Variants in MSRA observed in about 807,000 individuals in gnomAD.
MSRA encodes the protein mitochondrial peptide methionine sulfoxide reductase.
MSRA carries 54 observed loss-of-function variants against 31.3 expected under a neutral mutation model. The observed-to-expected ratio is 1.73, with a 90% confidence interval of 1.39 to 2.17. The LOEUF (loss-of-function observed/expected upper bound fraction) is 2.17, where lower values mean the gene tolerates loss of function less well. Ranked by LOEUF, MSRA falls within the 30% of genes most tolerant of loss-of-function variation. MSRA has a pLI of 0.00. For synonymous variants in MSRA, 169 were observed against 116.5 expected, an observed-to-expected ratio of 1.45 and a Z score of -2.90; for missense variants, 507 against 300.9, an observed-to-expected ratio of 1.69 and a Z score of -5.07.
chr8:10,223,881 A>C (rs1810746422), intron 2 of MSRA, among the ~76,000 whole-genome samples: 1 of 151,972 alleles, frequency 6.6e-6, no homozygotes, highest in Admixed American at 6.6e-5. Flanking sequence ...TCATTTCCCC[A>C]CTCCGAATTC....
rs535841328 is a variant in MSRA, at chr8:10,175,578, T to C, written c.143-32255T>C. On this transcript the variant is annotated intron_variant, in intron 1 of 5. Coordinates refer to ENST00000317173, the MANE Select transcript of MSRA (RefSeq NM_012331.5). ...TTGGGTATGGTTAAAATGACTATCT[T>C]GAATATCTCATTAAGAGGATAATGT... is the stretch of plus-strand genomic sequence containing the variant. Among the ~76,000 whole-genome samples, 7 of 152,350 alleles carry C rather than the reference T, an allele frequency of 4.6e-5. No homozygotes were observed. In the South Asian group the frequency reaches 1.2e-3, roughly 27 times the overall value.
At chr8:10,374,133 G>A (rs1311137119) in intron 5 of MSRA, among the ~76,000 whole-genome samples, 1 of 152,232 alleles carries the variant, frequency 6.6e-6, no homozygotes. Context: ...GTAGTGAGCT[G>A]ATGGGCTTTT....
chr8:10,068,024 C>A (rs555211744), intron 1 of MSRA, among the ~76,000 whole-genome samples: 1 of 151,990 alleles, frequency 6.6e-6, no homozygotes, highest in African/African-American at 2.4e-5. Flanking sequence ...GCTGGGACTA[C>A]AGGCATGTGC....
intron 2 of MSRA, among the ~76,000 whole-genome samples, chr8:10,240,194 G>C (rs375455723): frequency 6.6e-6 from 1 of 152,172 alleles, no homozygotes; most frequent in Non-Finnish European, 1.5e-5. Flanking sequence ...GAAGGGGCCC[G>C]GTGTAATCCT....
At chr8:10,202,926 C>G (rs1019538818) in intron 1 of MSRA, among the ~76,000 whole-genome samples, 2 of 152,208 alleles carry the variant, frequency 1.3e-5, no homozygotes, top group South Asian at 2.1e-4. Flanking sequence ...AGTGGGAGAG[C>G]TGAGAGTCAC....
intron 1 of MSRA, among the ~76,000 whole-genome samples, chr8:10,154,358 T>A (rs1017073357): frequency 2.6e-5 from 4 of 151,270 alleles, no homozygotes; most frequent in Non-Finnish European, 4.4e-5. Context: ...AAGGACACAT[T>A]TGTGGTTTTT....
At chr8:10,104,993 A>G (rs1695362367) in intron 1 of MSRA, among the ~76,000 whole-genome samples, 6 of 152,204 alleles carry the variant, frequency 3.9e-5, no homozygotes, top group Admixed American at 3.9e-4. Flanking sequence ...TGGGCAAGGA[A>G]TATTTTGCTG....
intron 1 of MSRA, among the ~76,000 whole-genome samples, chr8:10,156,472 A>G (rs1269453695): frequency 6.6e-6 from 1 of 152,112 alleles, no homozygotes; most frequent in South Asian, 2.1e-4. Context: ...GGGATTTGAG[A>G]AGATATTAAT....
chr8:10,418,840 CA>C (rs1808638547), intron 5 of MSRA, among the ~76,000 whole-genome samples: 1 of 34,120 alleles, frequency 2.9e-5, no homozygotes, highest in East Asian at 9.9e-4. Context: ...AAAAAAAAAC[CA>C]ACAAAAAAAA....
At chr8:10,306,364 C>G (rs1033920275) in intron 4 of MSRA, among the ~76,000 whole-genome samples, 4 of 152,060 alleles carry the variant, frequency 2.6e-5, no homozygotes, top group Non-Finnish European at 5.9e-5. Context: ...ATTGTTGTTA[C>G]GTCTTTTTCA....
At chr8:10,234,325 A>C (rs969725173) in intron 2 of MSRA, among the ~76,000 whole-genome samples, 2 of 152,180 alleles carry the variant, frequency 1.3e-5, no homozygotes, top group East Asian at 1.9e-4. Flanking sequence ...TGCGGTAATG[A>C]GATAGAGATT....
chr8:10,138,832 G>C (rs1299457939), intron 1 of MSRA, among the ~76,000 whole-genome samples: 3 of 152,178 alleles, frequency 2.0e-5, no homozygotes, highest in African/African-American at 4.8e-5. Context: ...AATTCCGTGA[G>C]AGTGATTTGG....
intron 1 of MSRA, among the ~76,000 whole-genome samples, chr8:10,115,650 T>C (rs1248822095): frequency 1.3e-5 from 2 of 152,176 alleles, no homozygotes; most frequent in Admixed American, 1.3e-4. Flanking sequence ...ATTGATGCCA[T>C]GAGCTGTGTT....
chr8:10,198,923 G>A (rs2129056409), intron 1 of MSRA, among the ~76,000 whole-genome samples: 1 of 152,318 alleles, frequency 6.6e-6, no homozygotes, highest in South Asian at 2.1e-4. Context: ...AGCAGTGTAG[G>A]AGAAAGCTTG....
chr8:10,218,808 G>A (rs1049195525), intron 2 of MSRA, among the ~76,000 whole-genome samples: 4 of 152,214 alleles, frequency 2.6e-5, no homozygotes, highest in Admixed American at 6.5e-5. Context: ...TCACTTGGGC[G>A]TTTAACCAGA....
chr8:10,366,735 C>T (rs1043552376), intron 5 of MSRA, among the ~76,000 whole-genome samples: 9 of 152,220 alleles, frequency 5.9e-5, no homozygotes, highest in Non-Finnish European at 1.0e-4. Context: ...TCGTGGTCGG[C>T]GGCTGTCTTA....
Position 10,054,555 on chromosome 8 carries a change from C to G in MSRA, c.39C>G (p.Leu13=), listed in dbSNP as rs1265518706. ...SATRRACQLL[L]LHSLFPVPRM... is the part of the protein sequence containing the mutation. ...CCCGGAGGGCTTGCCAGCTCCTCCTCCTCCACAGCCTCTTTCCCGTCCCGA... is the reference window on the plus strand; with the variant it reads ...CCCGGAGGGCTTGCCAGCTCCTCCTGCTCCACAGCCTCTTTCCCGTCCCGA... Residue 13 remains leucine (L), a synonymous_variant, in exon 1 of 6, where the codon CTC becomes CTG. Transcript: ENST00000317173. 1 of 1,586,976 alleles carries G rather than the reference C, an allele frequency of 6.3e-7. No homozygotes were observed. The highest frequency in any genetic ancestry group is 8.6e-7 in the Non-Finnish European group (1 of 1,167,030).
rs534691449 is a variant in MSRA, at chr8:10,231,790, C to G, written c.212-13314C>G. Among the ~76,000 whole-genome samples, 41 of 152,270 alleles carry G rather than the reference C, an allele frequency of 2.7e-4. No homozygotes were observed. In the South Asian group the frequency reaches 7.7e-3, roughly 28 times the overall value. Reference sequence around the variant, plus strand: ...TGGTGGCGGGCGCCTATAGTCCCAACTACTTGGGAGGCTGAGGCAGGAGAA... The same window carrying G: ...TGGTGGCGGGCGCCTATAGTCCCAAGTACTTGGGAGGCTGAGGCAGGAGAA... On this transcript the variant is annotated intron_variant, in intron 2 of 5. Transcript: ENST00000317173.
At chr8:10,278,525 C>T (rs1799445204) in intron 3 of MSRA, among the ~76,000 whole-genome samples, 1 of 152,222 alleles carries the variant, frequency 6.6e-6, no homozygotes, top group Admixed American at 6.5e-5. Flanking sequence ...AATCTACATC[C>T]AGCCCATCAG....
Sources: allele counts gnomAD v4.1 joint callset (sites outside exome capture counted in the v4.1 genomes callset), GRCh38; gene constraint gnomAD v4.1.1; transcripts MANE v1.5; gene names NCBI Gene and HGNC (gene_info 2026-07-23, HGNC 2026-07-21).